The following TRIP11 variants were observed in gnomAD, a reference collection of about 807,000 sequenced individuals.
TRIP11 encodes the protein thyroid hormone receptor interactor 11.
TRIP11 carries 148 observed loss-of-function variants against 223.1 expected under a neutral mutation model. That is an observed-to-expected ratio of 0.66 (90% confidence interval 0.58 to 0.76). TRIP11 has a LOEUF of 0.76. Ranked by LOEUF, TRIP11 falls within the 30% of genes least tolerant of loss-of-function variation. The probability of loss-of-function intolerance (pLI) is 0.00; values close to 1 mark genes in which losing one functional copy is unlikely to be tolerated. For synonymous variants in TRIP11, 762 were observed against 772.6 expected, an observed-to-expected ratio of 0.99 and a Z score of 0.23; for missense variants, 2,043 against 2,222.0, an observed-to-expected ratio of 0.92 and a Z score of 1.62.
intron 20 of TRIP11, among the ~76,000 whole-genome samples, chr14:91,970,744 T>G (rs1254858991): frequency 6.6e-6 from 1 of 152,186 alleles, no homozygotes; most frequent in Non-Finnish European, 1.5e-5. Flanking sequence ...AATACCTTAT[T>G]AAACACATTA....
chr14:92,031,124 T>G (rs1015709281), intron 2 of TRIP11, among the ~76,000 whole-genome samples: 1 of 152,024 alleles, frequency 6.6e-6, no homozygotes, highest in Admixed American at 6.6e-5. Context: ...TTTATTTACT[T>G]ACTTACTTAC....
Position 92,035,585 on chromosome 14 carries a change from A to ATT in TRIP11, c.140-2334_140-2333dup, listed in dbSNP as rs550426136. ...TCATTTTTTATTTATTTATTTATTT[A>ATT]TTTTTTTTTTGAGACAGAGTCTCGC... On this transcript the variant is annotated intron_variant, in intron 1 of 20. Transcript: ENST00000267622. Among the ~76,000 whole-genome samples the ATT allele has an allele frequency of 9.4e-5, 13 of 138,004 alleles. No homozygotes were observed. The East Asian group carries it at 1.3e-3, about 14-fold the overall frequency. The allele number at this position is 138,004 out of a possible 152,430, so 90.5% of individuals were successfully genotyped here. A position where few individuals can be genotyped will look rare whatever the true frequency, so the allele number is the denominator to read the frequency against.
In TRIP11 at chr14:92,021,581, A is replaced by C. The variant is rs778861846; in HGVS notation, c.563T>G (p.Val188Gly). ...SNEVSRLESE[V>G]GHWRHIAQTS... The stretch of plus-strand genomic sequence containing the variant: ...CTGAGCAATATGCCTCCAATGGCCA[A>C]CTTCAGACTCAAGTCTTGAAACTTC... Residue 188 changes from valine to glycine, a missense_variant, in exon 4 of 21, where the codon GTT (valine) becomes GGT (glycine). By Grantham distance (109) the Val-to-Gly change is moderately radical. Transcript: ENST00000267622. 5 of 1,614,200 alleles carry C rather than the reference A, an allele frequency of 3.1e-6. No individual in the cohort carries two copies. In the South Asian group the frequency reaches 5.5e-5, roughly 18 times the overall value.
chr14:92,014,676 G>A, intron 6 of TRIP11, 99 bp from the exon 7 acceptor site: 2 of 1,345,664 alleles, frequency 1.5e-6, no homozygotes, highest in Non-Finnish European at 9.9e-7. Flanking sequence ...TTCAGAATTT[G>A]GAAAGCTTAA....
chr14:92,029,156 A>T (rs1188996721), intron 2 of TRIP11, among the ~76,000 whole-genome samples: 1 of 152,140 alleles, frequency 6.6e-6, no homozygotes, highest in Non-Finnish European at 1.5e-5. Context: ...AAAATCATTT[A>T]AAAAATTATT....
At chr14:91,988,445 G>C in intron 15 of TRIP11, 62 bp from the exon 16 acceptor site, 1 of 1,428,006 alleles carries the variant, frequency 7.0e-7, no homozygotes, top group Admixed American at 1.8e-5. Flanking sequence ...CTATAAGGCT[G>C]AGAGACATCT....
intron 11 of TRIP11, 73 bp downstream of exon 11, chr14:92,003,346 A>T: frequency 1.3e-6 from 2 of 1,568,956 alleles, no homozygotes; most frequent in East Asian, 4.5e-5. Flanking sequence ...CAAAGACAAT[A>T]TAAATGAAAT....
rs149639792 is a variant in TRIP11, at chr14:92,006,408, T to C, written c.1568A>G (p.Asn523Ser). Residue 523 changes from asparagine to serine, a missense_variant, in exon 11 of 21, where the codon AAT becomes AGT. By Grantham distance (46) the Asn-to-Ser change is conservative (BLOSUM62 1). Transcript: ENST00000267622. Reference protein sequence around the residue: ...LIKDQLSKQQNEGDSIISKLK... With the variant: ...LIKDQLSKQQSEGDSIISKLK... The stretch of plus-strand genomic sequence containing the variant: ...TTTACTGATGATGCTATCTCCTTCA[T>C]TTTGTTGTTTTGATAGCTGATCTTT... 131 of 1,613,200 alleles carry C rather than the reference T, an allele frequency of 8.1e-5. 1 individual carries two copies. In the South Asian group the frequency reaches 1.4e-3, roughly 17 times the overall value.
intron 2 of TRIP11, among the ~76,000 whole-genome samples, chr14:92,027,297 G>GA (rs1274084596): frequency 1.3e-5 from 2 of 149,046 alleles, no homozygotes; most frequent in Non-Finnish European, 3.0e-5. Context: ...TCTCAAAGCA[G>GA]AAAAAAAACC....
Position 91,998,629 on chromosome 14 carries a change from T to C in TRIP11, c.4892+611A>G, listed in dbSNP as rs563966874. 3.3e-5 allele frequency among the ~76,000 whole-genome samples: 5 copies of C among 151,892 alleles called. No individual in the cohort carries two copies. In the South Asian group the frequency reaches 8.3e-4, roughly 25 times the overall value. ...CACACAAAAAGATTATCTCTGGGCA[T>C]GTGGGGCTCTGTGTGATTTGTGTGA... On this transcript the variant is annotated intron_variant, in intron 13 of 20. Coordinates refer to ENST00000267622, the MANE Select transcript of TRIP11 (RefSeq NM_004239.4).
chr14:92,003,457 C>T lies in TRIP11; in HGVS notation c.4519G>A (p.Ala1507Thr), dbSNP rs1348628757. 6.2e-7 allele frequency: 1 copy of T among 1,613,968 alleles called. No homozygotes were observed. Among genetic ancestry groups the T allele is most frequent in the Non-Finnish European group, 8.5e-7 (1 of 1,180,012 alleles). The change falls in exon 11 of 21, where the codon GCT becomes ACT. Residue 1507 changes from alanine to threonine, a missense_variant. Physicochemically the swap from Ala to Thr is moderately conservative, Grantham distance 58. Coordinates refer to ENST00000267622, the MANE Select transcript of TRIP11 (RefSeq NM_004239.4). Reference protein sequence around the residue: ...EFECHSMKEKALAFEQLLKEK... With the variant: ...EFECHSMKEKTLAFEQLLKEK... ...TTCAATAGCTGTTCAAAAGCAAGAGCCTTCTCCTTCATTGAGTGGCACTCA... is the reference window on the plus strand; with the variant it reads ...TTCAATAGCTGTTCAAAAGCAAGAGTCTTCTCCTTCATTGAGTGGCACTCA...
intron 2 of TRIP11, among the ~76,000 whole-genome samples, chr14:92,029,627 T>C (rs915020957): frequency 2.0e-5 from 3 of 149,964 alleles, no homozygotes; most frequent in Non-Finnish European, 3.0e-5. Flanking sequence ...ATCATCTTTT[T>C]AAAAGAAAAC....
At chr14:92,017,884 G>A (rs2057055133) in intron 4 of TRIP11, 134 bp from the exon 5 acceptor site, 1 of 704,660 alleles carries the variant, frequency 1.4e-6, no homozygotes, top group Non-Finnish European at 2.4e-6. Context: ...AGAATGCCAT[G>A]GACCTTTTAA....
intron 3 of TRIP11, among the ~76,000 whole-genome samples, chr14:92,022,325 C>T (rs959928956): frequency 6.6e-6 from 1 of 152,142 alleles, no homozygotes; most frequent in African/African-American, 2.4e-5. Context: ...TTGACCTGCA[C>T]AACACAGCTG....
rs780774279 is a variant in TRIP11, at chr14:92,005,192, T to C, written c.2784A>G (p.Gln928=). The C allele has an allele frequency of 6.2e-6, 10 of 1,614,096 alleles. No homozygotes were observed. Among genetic ancestry groups the C allele is most frequent in the Non-Finnish European group, 8.5e-6 (10 of 1,180,036 alleles). ...TTTGCTCTTGTAAAGACTGAAGTAG[T>C]TGCATCTTACTCTGGTTTTGATCTT... ...IIEDQNQSKM[Q]LLQSLQEQKK... Residue 928 remains glutamine, a synonymous_variant, in exon 11 of 21, where the codon CAA becomes CAG. Coordinates refer to ENST00000267622, the MANE Select transcript of TRIP11 (RefSeq NM_004239.4).
rs999113908 is a variant in TRIP11, at chr14:92,033,310, T to G, written c.140-57A>C. On this transcript the variant is annotated intron_variant, in intron 1 of 20. Transcript: ENST00000267622. ...AATCAATACCATATGAAGTAATAAA[T>G]AGGTATTTTCAAGAAAATATATTTC... The G allele has an allele frequency of 3.7e-6, 5 of 1,340,660 alleles. No individual in the cohort carries two copies. The East Asian group carries it at 1.2e-4, about 31-fold the overall frequency. The allele number at this position is 1,340,660 out of a possible 1,614,324, so 83.0% of individuals were successfully genotyped here.
intron 13 of TRIP11, among the ~76,000 whole-genome samples, chr14:91,997,643 A>G (rs891215545): frequency 2.6e-5 from 4 of 152,040 alleles, no homozygotes; most frequent in Non-Finnish European, 5.9e-5. Context: ...AGAAGAAGGC[A>G]TATGAAAAGA....
chr14:91,989,073 GCTT>G (rs1293698764), intron 15 of TRIP11, among the ~76,000 whole-genome samples: 2 of 152,128 alleles, frequency 1.3e-5, no homozygotes, highest in Non-Finnish European at 2.9e-5. Context: ...TGCTTTTACA[GCTT>G]CTTAAGTTTT....
chr14:92,021,885 A>C, intron 3 of TRIP11, 54 bp from the exon 4 acceptor site: 1 of 1,578,860 alleles, frequency 6.3e-7, no homozygotes, highest in Non-Finnish European at 8.6e-7. Context: ...AATCATATTG[A>C]CTTTTTATAG....
Sources: allele counts gnomAD v4.1 joint callset (sites outside exome capture counted in the v4.1 genomes callset), GRCh38; gene constraint gnomAD v4.1.1; transcripts MANE v1.5; gene names NCBI Gene and HGNC (gene_info 2026-07-23, HGNC 2026-07-21).